The following WDFY3 variants were observed in gnomAD, a reference collection of about 807,000 sequenced individuals.
WDFY3 encodes WD repeat and FYVE domain-containing protein 3.
A neutral mutation model predicts 409.6 loss-of-function variants in WDFY3; 66 were observed. That is an observed-to-expected ratio of 0.16 (90% CI 0.13 to 0.20). The LOEUF is 0.20. Among genes scored for constraint, WDFY3 ranks in the 10% least tolerant of loss-of-function variants. WDFY3 has a pLI of 1.00. For missense variants in WDFY3, 3,031 were observed against 4,298.1 expected (o/e 0.71, Z 8.24); for synonymous variants, 1,521 against 1,537.1 (o/e 0.99, Z 0.25).
intron 1 of WDFY3, among the ~76,000 whole-genome samples, chr4:84,934,687 C>T (rs1408969823): frequency 6.6e-6 from 1 of 152,044 alleles, no homozygotes; most frequent in East Asian, 1.9e-4. Flanking sequence ...TTATTTGGAA[C>T]ATTTTAAATT....
intron 1 of WDFY3, among the ~76,000 whole-genome samples, chr4:84,962,220 T>C (rs1274081223): frequency 2.6e-5 from 4 of 152,196 alleles, no homozygotes; most frequent in South Asian, 2.1e-4. Flanking sequence ...ATTTAGGCCA[T>C]AGTGACAGTG....
intron 50 of WDFY3, among the ~76,000 whole-genome samples, chr4:84,713,477 A>C (rs928774218): frequency 6.6e-6 from 1 of 152,198 alleles, no homozygotes; most frequent in Admixed American, 6.5e-5. Flanking sequence ...GTAAAAGTGA[A>C]TCTCAATCAC....
intron 3 of WDFY3, among the ~76,000 whole-genome samples, chr4:84,887,784 G>C (rs1764423202): frequency 6.6e-6 from 1 of 152,054 alleles, no homozygotes; most frequent in Admixed American, 6.6e-5. Context: ...TTATTAAATG[G>C]AAGCTCTTTG....
At chr4:84,885,856 C>G (rs937130595) in intron 3 of WDFY3, among the ~76,000 whole-genome samples, 1 of 152,166 alleles carries the variant, frequency 6.6e-6, no homozygotes, top group African/African-American at 2.4e-5. Context: ...TGGAATCTTG[C>G]ATTCCTCTTC....
In WDFY3 at chr4:84,758,597, T is replaced by A. The variant is rs536490387; in HGVS notation, c.5189-1436A>T. ...TCTTTTTTTCTGGAGTGCAGCAAAG[T>A]ACATATTACAACTGCTATTTTATAT... is the stretch of plus-strand genomic sequence containing the variant. On this transcript the variant is annotated intron_variant, in intron 32 of 67. Coordinates refer to ENST00000295888, the MANE Select transcript of WDFY3 (RefSeq NM_014991.6). Among the ~76,000 whole-genome samples the A allele has an allele frequency of 7.2e-5, 11 of 152,288 alleles. No individual in the cohort carries two copies. The South Asian group carries it at 2.3e-3, about 32-fold the overall frequency.
rs1578182876 is a variant in WDFY3 at position 84,702,294 on chromosome 4, T to C, written c.8596+59A>G. On this transcript the variant is annotated intron_variant, in intron 56 of 67. Coordinates refer to ENST00000295888, the MANE Select transcript of WDFY3 (RefSeq NM_014991.6). ...GCAGACAATCTTCAGAGAAGTGACTTATTTCTATTGGACTTTTCCTGGCTA... is the reference window on the plus strand; with the variant it reads ...GCAGACAATCTTCAGAGAAGTGACTCATTTCTATTGGACTTTTCCTGGCTA... 1.5e-5 allele frequency: 22 copies of C among 1,484,244 alleles called. 1 individual carries two copies. The South Asian group carries it at 3.0e-4, about 20-fold the overall frequency. 91.9% of individuals were successfully genotyped at this position (1,484,244 alleles called of 1,614,324 possible).
intron 5 of WDFY3, among the ~76,000 whole-genome samples, chr4:84,847,488 C>T (rs776980358): frequency 1.7e-4 from 25 of 151,400 alleles, no homozygotes; most frequent in Non-Finnish European, 2.5e-4. Context: ...AAGAAACCGC[C>T]GGGCGCAGTG....
At chr4:84,878,042 T>C (rs1358157265) in intron 3 of WDFY3, among the ~76,000 whole-genome samples, 1 of 152,204 alleles carries the variant, frequency 6.6e-6, no homozygotes, top group Non-Finnish European at 1.5e-5. Context: ...CTAACAAAAA[T>C]GACCATTTTT....
At chr4:84,923,556 T>C (rs1001010481) in intron 2 of WDFY3, among the ~76,000 whole-genome samples, 8 of 152,164 alleles carry the variant, frequency 5.3e-5, no homozygotes, top group Admixed American at 3.9e-4. Context: ...GCAATTTAAT[T>C]CTTGGGCCCA....
At chr4:84,872,299 T>C (rs947132208) in intron 3 of WDFY3, among the ~76,000 whole-genome samples, 18 of 151,756 alleles carry the variant, frequency 1.2e-4, no homozygotes, top group South Asian at 6.2e-4. Flanking sequence ...ACCCCATCTA[T>C]ACTAAAAATA....
At chr4:84,783,535 T>C (rs1746943283) in intron 24 of WDFY3, among the ~76,000 whole-genome samples, 1 of 152,150 alleles carries the variant, frequency 6.6e-6, no homozygotes, top group Admixed American at 6.5e-5. Flanking sequence ...TTAAACACAA[T>C]TTACTGAGAT....
intron 3 of WDFY3, among the ~76,000 whole-genome samples, chr4:84,869,425 C>A (rs1260925200): frequency 6.6e-6 from 1 of 152,114 alleles, no homozygotes; most frequent in Non-Finnish European, 1.5e-5. Context: ...AAGAACCCAG[C>A]CACATCATTT....
intron 56 of WDFY3, among the ~76,000 whole-genome samples, chr4:84,700,841 G>A (rs547958115): frequency 6.6e-6 from 1 of 152,332 alleles, no homozygotes; most frequent in South Asian, 2.1e-4. Context: ...GGTGGCTCAC[G>A]CCTGTAACCA....
rs920359372 is a variant in WDFY3, at chr4:84,684,144, A to G, written c.9544-19T>C. The G allele has an allele frequency of 6.6e-7, 1 of 1,521,658 alleles. No individual in the cohort carries two copies. The highest frequency in any genetic ancestry group is 8.9e-7 in the Non-Finnish European group (1 of 1,120,916). 94.3% of individuals were successfully genotyped at this position (1,521,658 alleles called of 1,614,324 possible). ...TGTCCCCCTGAGAAGAGAGAGAAAA[A>G]CGTCATTCTCTTTGCTCCCTTCCAA... On this transcript the variant is annotated intron_variant, in intron 62 of 67. Transcript: ENST00000295888.
intron 36 of WDFY3, among the ~76,000 whole-genome samples, chr4:84,746,262 A>C (rs1300265986): frequency 6.6e-6 from 1 of 151,962 alleles, no homozygotes; most frequent in African/African-American, 2.4e-5. Context: ...GGATGCAATG[A>C]GCCATGACTG....
intron 10 of WDFY3, among the ~76,000 whole-genome samples, chr4:84,823,190 T>C (rs1384567538): frequency 3.3e-5 from 5 of 152,162 alleles, no homozygotes; most frequent in African/African-American, 7.2e-5. Flanking sequence ...GTCTCAGATA[T>C]ATGTAGTCAT....
chr4:84,945,158 T>A (rs1561133251), intron 1 of WDFY3, among the ~76,000 whole-genome samples: 4 of 152,016 alleles, frequency 2.6e-5, no homozygotes, highest in Non-Finnish European at 5.9e-5. Context: ...CAACTCATAC[T>A]CCTCCAGCCA....
chr4:84,679,433 C>G (rs376240427), intron 64 of WDFY3, among the ~76,000 whole-genome samples, 191 bp from the exon 65 acceptor site: 2 of 152,076 alleles, frequency 1.3e-5, no homozygotes, highest in Non-Finnish European at 2.9e-5. Context: ...ATAAAAAAGT[C>G]GAATTTCTGA....
Position 84,679,023 on chromosome 4 carries a change from A to T in WDFY3, c.10043T>A (p.Phe3348Tyr). 1.9e-6 allele frequency: 3 copies of T among 1,614,228 alleles called. No homozygotes were observed. The highest frequency in any genetic ancestry group is 2.5e-6 in the Non-Finnish European group (3 of 1,180,042). ...GGTCTGGCCCTCTGAATAGTTCACA[A>T]ATATGAAGCCGTCTTTCTCATCTAG... The part of the protein sequence containing the change: ...LSLDEKDGFI[F>Y]VNYSEGQTRA... The change falls in exon 65 of 68, where the codon TTT becomes TAT. Residue 3348 changes from phenylalanine to tyrosine, a missense_variant. This residue lies in a region of WDFY3 where 378 missense variants were observed against 477.3 expected (regional missense o/e 0.79). Coordinates refer to ENST00000295888, the MANE Select transcript of WDFY3 (RefSeq NM_014991.6).
Sources: gnomAD v4.1 joint callset for allele counts (sites outside exome capture counted in the v4.1 genomes callset) on GRCh38, gnomAD v4.1.1 for gene constraint, gnomAD v4.1.1 regional missense constraint, MANE v1.5 for transcripts, NCBI Gene and HGNC (gene_info 2026-07-23, HGNC 2026-07-21) for gene names.